Variants in TENM2 observed in about 807,000 individuals in gnomAD.
TENM2 encodes the protein teneurin-2.
A neutral mutation model predicts 245.2 loss-of-function variants in TENM2; 52 were observed. That is an observed-to-expected ratio of 0.21 (90% CI 0.17 to 0.27). TENM2 has a LOEUF of 0.27. Among genes scored for constraint, TENM2 ranks in the 10% least tolerant of loss-of-function variants. The pLI, the probability that TENM2 is intolerant of heterozygous loss-of-function variation, is 1.00. For synonymous variants in TENM2, 1,363 were observed against 1,438.9 expected, an observed-to-expected ratio of 0.95 and a Z score of 1.19; for missense variants, 3,046 against 3,666.8, an observed-to-expected ratio of 0.83 and a Z score of 4.37.
the TENM2 span, among the ~76,000 whole-genome samples, chr5:167,174,449 C>T: frequency 6.6e-6 from 1 of 152,116 alleles, no homozygotes; most frequent in Non-Finnish European, 1.5e-5. Flanking sequence ...TAAATACTTT[C>T]ATGAAATACT....
chr5:167,508,351 T>C (rs934361560), intron 2 of TENM2, among the ~76,000 whole-genome samples: 1 of 152,198 alleles, frequency 6.6e-6, no homozygotes, highest in Non-Finnish European at 1.5e-5. Context: ...GTAGGGGTGG[T>C]GATTTTAATT....
Position 168,162,845 on chromosome 5 carries a change from C to A in TENM2, c.2569+88C>A, listed in dbSNP as rs563287080. 7.7e-6 allele frequency: 11 copies of A among 1,430,856 alleles called. No homozygotes were observed. The East Asian group carries it at 2.3e-4, about 30-fold the overall frequency. The allele number at this position is 1,430,856 out of a possible 1,614,324, so 88.6% of individuals were successfully genotyped here. A position where few individuals can be genotyped will look rare whatever the true frequency, so the allele number is the denominator to read the frequency against. On this transcript the variant is annotated intron_variant, in intron 13 of 28. Transcript: ENST00000518659. Reference sequence around the variant, plus strand: ...AAGTCATTTTTCTTCGGAAAGACCTCCCCTGCACTATTGTCAAATGTTGTT... The same window carrying A: ...AAGTCATTTTTCTTCGGAAAGACCTACCCTGCACTATTGTCAAATGTTGTT...
At chr5:167,319,038 TA>T (rs992194374) in intron 1 of TENM2, among the ~76,000 whole-genome samples, 9 of 151,848 alleles carry the variant, frequency 5.9e-5, no homozygotes, top group East Asian at 3.9e-4. Context: ...TTAGAGATTT[TA>T]AAAAAAAATC....
rs745892737 is a variant in TENM2 at position 167,562,871 on chromosome 5, C to T, written c.502+187398C>T. 4.5e-3 allele frequency among the ~76,000 whole-genome samples: 679 copies of T among 151,158 alleles called. 5 individuals carry two copies. Among genetic ancestry groups the T allele is most frequent in the Non-Finnish European group, 6.6e-3 (448 of 67,854 alleles). ...GCTCGGGAGGCTGAGGCAGGAGAATCGCTTGAACCTGGGAGGCGGAGGTTG... is the reference window on the plus strand; with the variant it reads ...GCTCGGGAGGCTGAGGCAGGAGAATTGCTTGAACCTGGGAGGCGGAGGTTG... On this transcript the variant is annotated intron_variant, in intron 2 of 28. Coordinates refer to ENST00000518659, the Ensembl canonical transcript of TENM2.
At chr5:167,502,118 C>T (rs1769248941) in intron 2 of TENM2, among the ~76,000 whole-genome samples, 1 of 152,094 alleles carries the variant, frequency 6.6e-6, no homozygotes, top group Admixed American at 6.6e-5. Flanking sequence ...CCACTTTTCA[C>T]TTGTAATATC....
chr5:167,300,336 C>T (rs1204047954), intron 1 of TENM2, among the ~76,000 whole-genome samples: 1 of 152,100 alleles, frequency 6.6e-6, no homozygotes, highest in African/African-American at 2.4e-5. Context: ...TAATGGGTGT[C>T]AGGGTCAGTC....
chr5:167,919,860 G>A (rs944781090), intron 3 of TENM2, among the ~76,000 whole-genome samples: 1 of 152,144 alleles, frequency 6.6e-6, no homozygotes, highest in African/African-American at 2.4e-5. Context: ...TGACTATCAC[G>A]ACATCCAGTT....
intron 13 of TENM2, among the ~76,000 whole-genome samples, chr5:168,180,664 G>A (rs1000442868): frequency 1.3e-5 from 2 of 152,208 alleles, no homozygotes; most frequent in East Asian, 3.9e-4. Flanking sequence ...GGGAGGCCAA[G>A]GCGGGTGAAT....
chr5:167,617,723 C>T (rs1387727443), intron 2 of TENM2, among the ~76,000 whole-genome samples: 1 of 152,108 alleles, frequency 6.6e-6, no homozygotes, highest in East Asian at 1.9e-4. Context: ...ATGCTTTAAA[C>T]ATTGTCTTCA....
chr5:168,196,751 C>T (rs187994941), intron 15 of TENM2, among the ~76,000 whole-genome samples: 72 of 152,300 alleles, frequency 4.7e-4, no homozygotes, highest in Middle Eastern at 3.4e-3. Context: ...CGTGAGCCAC[C>T]GCCCCCAGGC....
At chr5:167,730,679 A>G (rs1488988616) in intron 2 of TENM2, among the ~76,000 whole-genome samples, 2 of 152,192 alleles carry the variant, frequency 1.3e-5, no homozygotes, top group Non-Finnish European at 2.9e-5. Context: ...TGGACTTCTT[A>G]TGACTAAGAG....
chr5:167,594,896 T>G lies in TENM2; in HGVS notation c.502+219423T>G, dbSNP rs150345662. On this transcript the variant is annotated intron_variant, in intron 2 of 28. Transcript: ENST00000518659. ...TTACTTACAAACACAGATTAGGAAG[T>G]GAAAGGTTGATTGTTTCTGGCAGTT... Among the ~76,000 whole-genome samples, 342 of 152,328 alleles carry G rather than the reference T, an allele frequency of 2.2e-3. 2 individuals are homozygous for G. Among genetic ancestry groups the G allele is most frequent in the Non-Finnish European group, 4.0e-3 (275 of 68,032 alleles).
At chr5:167,455,751 G>A (rs4869044) in intron 2 of TENM2, among the ~76,000 whole-genome samples, 20,966 of 152,064 alleles carry the variant, frequency 0.14, 1,581 homozygotes, top group East Asian at 0.26. Flanking sequence ...CATTGACCAA[G>A]AGACCGTTCA....
intron 24 of TENM2, 120 bp downstream of exon 26, chr5:168,226,383 CT>C (rs2152591429): frequency 1.2e-6 from 1 of 840,574 alleles, no homozygotes; most frequent in African/African-American, 1.7e-5. Context: ...GTACCCCTAG[CT>C]TTCTATTTTA....
intron 2 of TENM2, among the ~76,000 whole-genome samples, chr5:167,825,436 C>T (rs554434856): frequency 1.0e-3 from 154 of 152,312 alleles, no homozygotes; most frequent in African/African-American, 3.5e-3. Context: ...TTTGAGAAAG[C>T]AGACCCACTG....
chr5:168,139,645 G>A (rs1755359254), intron 12 of TENM2: 4 of 446,596 alleles, frequency 9.0e-6, no homozygotes, highest in African/African-American at 2.0e-5. Context: ...GGGAAGGGGA[G>A]GGAGGGAAGA....
intron 5 of TENM2, among the ~76,000 whole-genome samples, chr5:168,010,416 C>T (rs1290047336): frequency 2.0e-5 from 3 of 152,232 alleles, no homozygotes; most frequent in Non-Finnish European, 4.4e-5. Context: ...ACAGCTTACA[C>T]GGTTCTTGCA....
At chr5:167,708,805 C>A (rs1394409512) in intron 2 of TENM2, among the ~76,000 whole-genome samples, 1 of 152,118 alleles carries the variant, frequency 6.6e-6, no homozygotes, top group African/African-American at 2.4e-5. Flanking sequence ...CTGACTAATA[C>A]TATATATGTT....
At chr5:167,732,374 G>A (rs1442478378) in intron 2 of TENM2, among the ~76,000 whole-genome samples, 2 of 152,154 alleles carry the variant, frequency 1.3e-5, no homozygotes, top group African/African-American at 4.8e-5. Context: ...AAGTGCATCA[G>A]GGGCTTTGGA....
Sources: allele counts gnomAD v4.1 joint callset (sites outside exome capture counted in the v4.1 genomes callset), GRCh38; gene constraint gnomAD v4.1.1; transcripts MANE v1.5; gene names NCBI Gene and HGNC (gene_info 2026-07-23, HGNC 2026-07-21).